Variants in MCU observed in about 807,000 individuals in gnomAD.
MCU encodes the protein calcium uniporter protein, mitochondrial.
Under a neutral mutation model 45.2 loss-of-function variants are expected in MCU, and 12 were observed. That is an observed-to-expected ratio of 0.27 (90% confidence interval 0.17 to 0.43). The LOEUF (loss-of-function observed/expected upper bound fraction) is 0.43, where lower values mean the gene tolerates loss of function less well. MCU is among the 20% of genes least tolerant of loss of function. The pLI is 1.00. For synonymous variants in MCU, 160 were observed against 165.1 expected (o/e 0.97, Z 0.24); for missense variants, 324 against 436.7 (o/e 0.74, Z 2.30).
chr10:72,836,135 T>C (rs1024808184), intron 2 of MCU, among the ~76,000 whole-genome samples: 4 of 151,502 alleles, frequency 2.6e-5, no homozygotes, highest in Non-Finnish European at 4.4e-5. Context: ...AGAATTTCAC[T>C]GTTAAAAAAA....
At chr10:72,721,730 T>C (rs1843024791) in intron 1 of MCU, among the ~76,000 whole-genome samples, 2 of 152,228 alleles carry the variant, frequency 1.3e-5, no homozygotes, top group Non-Finnish European at 2.9e-5. Flanking sequence ...TCTGAGATGA[T>C]TTTAATATAC....
At chr10:72,855,238 C>CA (rs1165663455) in intron 2 of MCU, among the ~76,000 whole-genome samples, 5 of 150,946 alleles carry the variant, frequency 3.3e-5, no homozygotes, top group Middle Eastern at 3.4e-3. Flanking sequence ...GACCCTATCT[C>CA]AAAAAAAATA....
At position 72,787,281 on chromosome 10, in the gene MCU, T is replaced by A. The variant is rs138295482; in HGVS notation, c.151-47078T>A. ...TTTCACTGAGTTTTTGTTTCGTTTG[T>A]TTTTTGAGACAGAATCTCGCTCTGT... On this transcript the variant is annotated intron_variant, in intron 1 of 7. Coordinates refer to ENST00000373053, the MANE Select transcript of MCU (RefSeq NM_138357.3). 5.0e-3 allele frequency among the ~76,000 whole-genome samples: 757 copies of A among 152,336 alleles called. 7 individuals carry two copies. The highest frequency in any genetic ancestry group is 0.017 in the African/African-American group (723 of 41,588).
chr10:72,776,530 A>C (rs1170265456), intron 1 of MCU, among the ~76,000 whole-genome samples: 1 of 152,234 alleles, frequency 6.6e-6, no homozygotes, highest in African/African-American at 2.4e-5. Flanking sequence ...CTTTATGATA[A>C]AAGCCCTCAT....
At chr10:72,734,160 C>T (rs1187363594) in intron 1 of MCU, among the ~76,000 whole-genome samples, 1 of 152,126 alleles carries the variant, frequency 6.6e-6, no homozygotes, top group African/African-American at 2.4e-5. Flanking sequence ...GCAGGAGGAT[C>T]CCTTGAGGCC....
At chr10:72,784,325 TGATA>T (rs898389468) in intron 1 of MCU, among the ~76,000 whole-genome samples, 32 of 152,374 alleles carry the variant, frequency 2.1e-4, no homozygotes, top group African/African-American at 6.3e-4. Flanking sequence ...TGCTCTGTTT[TGATA>T]GATCTCTTAG....
intron 7 of MCU, among the ~76,000 whole-genome samples, chr10:72,885,374 T>C (rs1589514565): frequency 6.6e-6 from 1 of 152,220 alleles, no homozygotes; most frequent in East Asian, 1.9e-4. Flanking sequence ...ACTAAAATCT[T>C]GAGTAGCATA....
intron 1 of MCU, among the ~76,000 whole-genome samples, chr10:72,694,450 T>C (rs138311848): frequency 6.6e-6 from 1 of 152,348 alleles, no homozygotes; most frequent in African/African-American, 2.4e-5. Context: ...CTCCTTTACA[T>C]CTCTCTCCTC....
intron 1 of MCU, among the ~76,000 whole-genome samples, chr10:72,833,013 G>A (rs961241737): frequency 1.3e-5 from 2 of 148,418 alleles, no homozygotes; most frequent in Admixed American, 6.8e-5. Context: ...AACAAGAATA[G>A]CTGGGAGTTG....
intron 1 of MCU, among the ~76,000 whole-genome samples, chr10:72,804,090 C>T (rs1471670969): frequency 1.8e-5 from 1 of 54,718 alleles, no homozygotes; most frequent in Non-Finnish European, 4.1e-5. Context: ...AGAGTGCCAA[C>T]AATTTACATT....
chr10:72,709,051 C>T (rs768151089), intron 1 of MCU, among the ~76,000 whole-genome samples: 2 of 152,042 alleles, frequency 1.3e-5, no homozygotes, highest in Non-Finnish European at 2.9e-5. Context: ...TGGCATCTAC[C>T]TGGCATGATT....
chr10:72,808,225 T>C (rs955968746), intron 1 of MCU, among the ~76,000 whole-genome samples: 1 of 152,242 alleles, frequency 6.6e-6, no homozygotes, highest in Non-Finnish European at 1.5e-5. Flanking sequence ...TGTCTTTGGC[T>C]TCTGATGCAG....
At chr10:72,774,163 A>C (rs1843854991) in intron 1 of MCU, among the ~76,000 whole-genome samples, 1 of 152,238 alleles carries the variant, frequency 6.6e-6, no homozygotes, top group Non-Finnish European at 1.5e-5. Context: ...TATGAAGCCC[A>C]AAATCACATC....
intron 1 of MCU, among the ~76,000 whole-genome samples, chr10:72,710,055 A>G (rs1053734994): frequency 6.6e-6 from 1 of 152,154 alleles, no homozygotes; most frequent in Non-Finnish European, 1.5e-5. Context: ...AGGTCACTGC[A>G]ACCTCTGCCT....
At chr10:72,787,472 T>G (rs1844091576) in intron 1 of MCU, among the ~76,000 whole-genome samples, 3 of 152,096 alleles carry the variant, frequency 2.0e-5, no homozygotes, top group Admixed American at 6.5e-5. Context: ...TTTCACCATG[T>G]TGGCCAGGCT....
chr10:72,858,220 A>G lies in MCU; in HGVS notation c.221-957A>G, dbSNP rs1252669980. Among the ~76,000 whole-genome samples the G allele has an allele frequency of 2.6e-5, 4 of 152,186 alleles. No individual in the cohort carries two copies. The East Asian group carries it at 5.8e-4, about 22-fold the overall frequency. Reference sequence around the variant, plus strand: ...GTACGCTATAGGAGAGGCCATGCATATTTATGAAAGGAGAAATGTGTGTAT... The same window carrying G: ...GTACGCTATAGGAGAGGCCATGCATGTTTATGAAAGGAGAAATGTGTGTAT... On this transcript the variant is annotated intron_variant, in intron 2 of 7. Coordinates refer to ENST00000373053, the MANE Select transcript of MCU (RefSeq NM_138357.3).
chr10:72,884,541 G>A (rs1362624780), intron 7 of MCU, 159 bp downstream of exon 7: 2 of 534,262 alleles, frequency 3.7e-6, no homozygotes, highest in Non-Finnish European at 6.7e-6. Context: ...AACTATTTTA[G>A]GCATGGACAT....
chr10:72,871,575 C>G lies in MCU; in HGVS notation c.856C>G (p.Arg286Gly), dbSNP rs781446206. ...AATGTATGCATATTTTGTAATGACACGCCAGGTAAGAATTCTCTTCAAGTA... is the reference window on the plus strand; with the variant it reads ...AATGTATGCATATTTTGTAATGACAGGCCAGGTAAGAATTCTCTTCAAGTA... ...MAMYAYFVMT[R>G]QEYVYPEARD... The change falls in exon 6 of 8, where the codon CGC (arginine) becomes GGC (glycine). Residue 286 changes from arginine to glycine, a missense_variant. Transcript: ENST00000373053. The G allele has an allele frequency of 6.2e-7, 1 of 1,612,152 alleles. No homozygotes were observed. The highest frequency in any genetic ancestry group is 8.5e-7 in the Non-Finnish European group (1 of 1,178,152).
chr10:72,805,097 CTTTCTCTTTCTTTCTTTCTTTCTT>C (rs1564562197), intron 1 of MCU, among the ~76,000 whole-genome samples: 6 of 139,678 alleles, frequency 4.3e-5, no homozygotes, highest in African/African-American at 1.8e-4. Context: ...TTCTTTCTTT[CTTTCTCTTTCTTTCTTTCTTTCTT>C]TCTTTCTTTC....
Sources: gnomAD v4.1 joint callset for allele counts (sites outside exome capture counted in the v4.1 genomes callset) on GRCh38, gnomAD v4.1.1 for gene constraint, MANE v1.5 for transcripts, NCBI Gene and HGNC (gene_info 2026-07-23, HGNC 2026-07-21) for gene names.